Variants in KDM4C observed in about 807,000 individuals in gnomAD.
KDM4C encodes lysine demethylase 4C.
A neutral mutation model predicts 129.3 loss-of-function variants in KDM4C; 81 were observed. That is an observed-to-expected ratio of 0.63 (90% CI 0.52 to 0.75). KDM4C has a LOEUF of 0.75. Among genes scored for constraint, KDM4C ranks in the 30% least tolerant of loss-of-function variants. The pLI is 0.00. For missense variants in KDM4C, 1,457 were observed against 1,304.0 expected, an observed-to-expected ratio of 1.12 and a Z score of -1.81; for synonymous variants, 573 against 456.1, an observed-to-expected ratio of 1.26 and a Z score of -3.26.
At chr9:6,972,670 A>G (rs1035657068) in intron 8 of KDM4C, among the ~76,000 whole-genome samples, 1 of 152,204 alleles carries the variant, frequency 6.6e-6, no homozygotes, top group Admixed American at 6.5e-5. Context: ...TTGTTTTGCT[A>G]TTCATGAGTT....
chr9:7,173,023 A>G (rs933692014), intron 21 of KDM4C, among the ~76,000 whole-genome samples: 3 of 152,268 alleles, frequency 2.0e-5, no homozygotes, highest in African/African-American at 7.2e-5. Context: ...CTCACTCAGC[A>G]AACACTTACT....
At chr9:7,055,071 G>C (rs561477976) in intron 17 of KDM4C, among the ~76,000 whole-genome samples, 1 of 152,042 alleles carries the variant, frequency 6.6e-6, no homozygotes. Flanking sequence ...CCAGCTGCTC[G>C]GGAGCCTATC....
At chr9:6,967,507 A>C (rs1304978319) in intron 8 of KDM4C, among the ~76,000 whole-genome samples, 2 of 152,106 alleles carry the variant, frequency 1.3e-5, no homozygotes, top group Non-Finnish European at 2.9e-5. Flanking sequence ...CTTGCACATG[A>C]ATGTACAGTT....
chr9:6,808,690 T>TAA (rs908471656), intron 3 of KDM4C, among the ~76,000 whole-genome samples: 33 of 63,830 alleles, frequency 5.2e-4, no homozygotes, highest in African/African-American at 1.4e-3. Flanking sequence ...GAATTATCAA[T>TAA]AAAAAAAAAA....
rs371135704 is a variant in KDM4C at position 6,961,182 on chromosome 9, G to A, written c.922-19743G>A. ...TTACTAAAGGTAATATCTAAAATTA[G>A]TTGTCCTTTATTTTAAAAGTTAAAT... On this transcript the variant is annotated intron_variant, in intron 8 of 21. Coordinates refer to ENST00000381309, the MANE Select transcript of KDM4C (RefSeq NM_015061.6). Among the ~76,000 whole-genome samples, 35 of 152,274 alleles carry A rather than the reference G, an allele frequency of 2.3e-4. 1 individual carries two copies. In the East Asian group the frequency reaches 4.8e-3, roughly 21 times the overall value.
At chr9:6,863,339 A>G (rs2130499326) in intron 5 of KDM4C, among the ~76,000 whole-genome samples, 1 of 152,254 alleles carries the variant, frequency 6.6e-6, no homozygotes, top group South Asian at 2.1e-4. Flanking sequence ...ATGAAGGAAT[A>G]CCTGAGGCAG....
intron 12 of KDM4C, among the ~76,000 whole-genome samples, chr9:7,002,794 G>T (rs1228801453): frequency 2.0e-5 from 3 of 152,210 alleles, no homozygotes; most frequent in Non-Finnish European, 4.4e-5. Context: ...ACTTGTCCTA[G>T]ATCACAAAGC....
rs1320657973 is a variant in KDM4C, at chr9:6,981,987, A to G, written c.1115+869A>G. The G allele has an allele frequency of 2.6e-5, 4 of 156,806 alleles. 1 individual carries two copies. In the Admixed American group the frequency reaches 2.7e-4, roughly 10 times the overall value. 9.7% of individuals were successfully genotyped at this position (156,806 alleles called of 1,614,324 possible). A position where few individuals can be genotyped will look rare whatever the true frequency, so the allele number is the denominator to read the frequency against. On this transcript the variant is annotated intron_variant, in intron 9 of 21. Transcript: ENST00000381309. ...TATATCCTTTACCTATATATTTATT[A>G]TATATTTTATAATATTATATATCTT...
chr9:6,889,411 G>A (rs1016331885), intron 7 of KDM4C, among the ~76,000 whole-genome samples: 42 of 152,110 alleles, frequency 2.8e-4, no homozygotes, highest in African/African-American at 9.4e-4. Context: ...TGGTTTACTC[G>A]CACGTTTTTA....
At chr9:7,154,430 T>C (rs1445684076) in intron 19 of KDM4C, among the ~76,000 whole-genome samples, 3 of 152,206 alleles carry the variant, frequency 2.0e-5, no homozygotes, top group African/African-American at 7.2e-5. Flanking sequence ...TGGGGCTACC[T>C]GCTCTGTGGT....
chr9:6,853,357 T>C (rs1588700679), intron 5 of KDM4C, among the ~76,000 whole-genome samples: 1 of 151,664 alleles, frequency 6.6e-6, no homozygotes, highest in East Asian at 1.9e-4. Flanking sequence ...CCGGTCATAG[T>C]GGCTCACGCC....
Position 7,139,793 on chromosome 9 carries a change from T to C in KDM4C, c.2781+11557T>C, listed in dbSNP as rs73403378. Among the ~76,000 whole-genome samples, 1,073 of 152,334 alleles carry C rather than the reference T, an allele frequency of 7.0e-3. 12 individuals carry two copies. The highest frequency in any genetic ancestry group is 0.025 in the African/African-American group (1,020 of 41,574). ...TTATCTCATATCATTATGTAAGCAG[T>C]GGTAGTTGTCTGTATGAGTCTGCAG... On this transcript the variant is annotated intron_variant, in intron 19 of 21. Transcript: ENST00000381309.
At chr9:6,821,707 G>A (rs997446361) in intron 4 of KDM4C, among the ~76,000 whole-genome samples, 18 of 151,548 alleles carry the variant, frequency 1.2e-4, no homozygotes, top group Non-Finnish European at 1.5e-4. Flanking sequence ...GTGCAGTGGC[G>A]CGGTCTCAAC....
At chr9:6,944,257 A>C (rs1156377935) in intron 8 of KDM4C, among the ~76,000 whole-genome samples, 2 of 152,242 alleles carry the variant, frequency 1.3e-5, no homozygotes, top group Non-Finnish European at 2.9e-5. Context: ...AGGCCTAGGC[A>C]GTGCAGGAAG....
intron 19 of KDM4C, 67 bp downstream of exon 19, chr9:7,128,303 C>T (rs957655623): frequency 5.4e-6 from 7 of 1,300,640 alleles, no homozygotes; most frequent in Non-Finnish European, 7.1e-6. Flanking sequence ...AGTAACTGAG[C>T]CCTTCAGAAT....
At chr9:7,035,971 A>G (rs1446443609) in intron 15 of KDM4C, among the ~76,000 whole-genome samples, 1 of 152,106 alleles carries the variant, frequency 6.6e-6, no homozygotes, top group Non-Finnish European at 1.5e-5. Flanking sequence ...ATTTGGGATC[A>G]TTTGTGGTTC....
rs56161284 is a variant in KDM4C, at chr9:7,087,089, C to CTTT, written c.2425-16585_2425-16583dup. Among the ~76,000 whole-genome samples, 11 of 145,534 alleles carry CTTT rather than the reference C, an allele frequency of 7.6e-5. No individual in the cohort carries two copies. In the South Asian group the frequency reaches 1.5e-3, roughly 20 times the overall value. ...ACTTTTTATTGCAACTTACGTGGCT[C>CTTT]TTTTTTTTTTTTTCACTTTTGACAG... On this transcript the variant is annotated intron_variant, in intron 17 of 21. Coordinates refer to ENST00000381309, the MANE Select transcript of KDM4C (RefSeq NM_015061.6).
At chr9:7,136,459 G>A (rs1841216136) in intron 19 of KDM4C, among the ~76,000 whole-genome samples, 1 of 152,176 alleles carries the variant, frequency 6.6e-6, no homozygotes, top group Non-Finnish European at 1.5e-5. Flanking sequence ...CAACATTTGA[G>A]GTTACAGTTT....
intron 12 of KDM4C, among the ~76,000 whole-genome samples, chr9:7,009,501 C>T (rs1822291296): frequency 6.6e-6 from 1 of 151,982 alleles, no homozygotes; most frequent in Non-Finnish European, 1.5e-5. Context: ...TTTTTCCCCC[C>T]ATCAAAGGTG....
Sources: allele counts gnomAD v4.1 joint callset (sites outside exome capture counted in the v4.1 genomes callset), GRCh38; gene constraint gnomAD v4.1.1; transcripts MANE v1.5; gene names NCBI Gene and HGNC (gene_info 2026-07-23, HGNC 2026-07-21).